Variants in TCF4 observed in about 807,000 individuals in gnomAD.
TCF4 encodes transcription factor 4.
Under a neutral mutation model 82.1 loss-of-function variants are expected in TCF4, and 3 were observed. The observed-to-expected ratio is 0.04, with a 90% CI of 0.02 to 0.09. The LOEUF (loss-of-function observed/expected upper bound fraction) is 0.09, where lower values mean the gene tolerates loss of function less well. Ranked by LOEUF, TCF4 falls within the 10% of genes least tolerant of loss-of-function variation. The pLI, the probability that TCF4 is intolerant of heterozygous loss-of-function variation, is 1.00. For synonymous variants in TCF4, 276 were observed against 309.6 expected (o/e 0.89, Z 1.14); for missense variants, 518 against 852.7 (o/e 0.61, Z 4.89).
chr18:55,383,258 A>G (rs17594358), intron 6 of TCF4, among the ~76,000 whole-genome samples: 5,292 of 152,372 alleles, frequency 0.035, 134 homozygotes, highest in Non-Finnish European at 0.059. Flanking sequence ...CCCAGGTTCA[A>G]TGATGAAGGC....
intron 15 of TCF4, among the ~76,000 whole-genome samples, chr18:55,236,243 AG>A (rs1364407339): frequency 2.0e-5 from 3 of 152,200 alleles, no homozygotes; most frequent in South Asian, 2.1e-4. Flanking sequence ...AGAGAGATGT[AG>A]GAAGTCCAGC....
At chr18:55,240,550 G>A (rs749455473) in intron 15 of TCF4, among the ~76,000 whole-genome samples, 2 of 152,156 alleles carry the variant, frequency 1.3e-5, no homozygotes, top group Non-Finnish European at 2.9e-5. Context: ...GGTGGGAAGC[G>A]GTCATGCAAA....
At chr18:55,364,787 T>A (rs1421641526) in intron 6 of TCF4, among the ~76,000 whole-genome samples, 1 of 152,150 alleles carries the variant, frequency 6.6e-6, no homozygotes, top group Non-Finnish European at 1.5e-5. Context: ...CTTGACTGAT[T>A]TTTAAAAATG....
intron 14 of TCF4, among the ~76,000 whole-genome samples, chr18:55,256,457 C>T (rs958233342): frequency 6.6e-6 from 1 of 152,130 alleles, no homozygotes; most frequent in Non-Finnish European, 1.5e-5. Context: ...CTGAATGATT[C>T]ATACACTATA....
At position 55,323,549 on chromosome 18, in the gene TCF4, C is replaced by A. The variant is rs1010618390; in HGVS notation, c.549+26810G>T. Among the ~76,000 whole-genome samples, 7 of 152,292 alleles carry A rather than the reference C, an allele frequency of 4.6e-5. No homozygotes were observed. The East Asian group carries it at 1.3e-3, about 29-fold the overall frequency. On this transcript the variant is annotated intron_variant, in intron 8 of 19. Coordinates refer to ENST00000354452, the MANE Select transcript of TCF4 (RefSeq NM_001083962.2). ...GCTCTGCATTTATTCGGAAGGTCCC[C>A]AGAGGTTTGTGTAAACAGTACTTGA...
intron 8 of TCF4, chr18:55,320,950 A>T (rs1555884427): frequency 6.6e-6 from 1 of 152,344 alleles, no homozygotes; most frequent in Non-Finnish European, 1.5e-5. Flanking sequence ...TACCAGACAC[A>T]TTTTTTTCTT....
intron 3 of TCF4, among the ~76,000 whole-genome samples, chr18:55,471,110 C>G (rs1403930158): frequency 6.6e-6 from 1 of 152,108 alleles, no homozygotes; most frequent in African/African-American, 2.4e-5. Flanking sequence ...CAGCAAAGAG[C>G]GTGTTAAGGA....
intron 3 of TCF4, among the ~76,000 whole-genome samples, chr18:55,534,872 A>G (rs2097101483): frequency 6.6e-6 from 1 of 152,242 alleles, no homozygotes; most frequent in East Asian, 1.9e-4. Flanking sequence ...CATGACTGTG[A>G]GCATGCCAAT....
chr18:55,378,502 C>T (rs1038483603), intron 6 of TCF4, among the ~76,000 whole-genome samples: 1 of 152,098 alleles, frequency 6.6e-6, no homozygotes, highest in African/African-American at 2.4e-5. Context: ...GAAGAAGGTG[C>T]TGATATTAAT....
intron 15 of TCF4, among the ~76,000 whole-genome samples, chr18:55,238,011 G>A (rs138516211): frequency 0.02 from 3,113 of 152,254 alleles, 59 homozygotes; most frequent in Non-Finnish European, 0.032. Flanking sequence ...GCATTAAGGC[G>A]GCCCATTCAT....
At chr18:55,489,043 A>G (rs887673197) in intron 3 of TCF4, among the ~76,000 whole-genome samples, 2 of 152,166 alleles carry the variant, frequency 1.3e-5, no homozygotes, top group Non-Finnish European at 2.9e-5. Context: ...TTGGGGACAC[A>G]TGACAGAGGC....
rs1230346305 is a variant in TCF4 at position 55,238,328 on chromosome 18, T to C, written c.1351-3645A>G. 2.6e-5 allele frequency among the ~76,000 whole-genome samples: 4 copies of C among 152,224 alleles called. No individual in the cohort carries two copies. In the East Asian group the frequency reaches 5.8e-4, roughly 22 times the overall value. Reference sequence around the variant, plus strand: ...GTTTTAGTGATATCTATGCTAAAAATAGAAGATAGAAGTGAAATTTAAAAA... The same window carrying C: ...GTTTTAGTGATATCTATGCTAAAAACAGAAGATAGAAGTGAAATTTAAAAA... On this transcript the variant is annotated intron_variant, in intron 15 of 19. Transcript: ENST00000354452.
At chr18:55,477,494 T>C (rs1302615564) in intron 3 of TCF4, among the ~76,000 whole-genome samples, 3 of 152,238 alleles carry the variant, frequency 2.0e-5, no homozygotes, top group Non-Finnish European at 4.4e-5. Context: ...GCAACGTACA[T>C]TTTTAAACCA....
At chr18:55,319,104 CACTTA>C (rs1347382879) in intron 8 of TCF4, among the ~76,000 whole-genome samples, 1 of 152,190 alleles carries the variant, frequency 6.6e-6, no homozygotes, top group Non-Finnish European at 1.5e-5. Flanking sequence ...TAGCTGACCA[CACTTA>C]ACTTCAACAA....
In TCF4 at chr18:55,404,867, G is replaced by A. The variant is rs141137462; in HGVS notation, c.305-1349C>T. Among the ~76,000 whole-genome samples the A allele has an allele frequency of 3.0e-3, 464 of 152,300 alleles. 1 individual carries two copies. The highest frequency in any genetic ancestry group is 0.011 in the African/African-American group (439 of 41,566). On this transcript the variant is annotated intron_variant, in intron 5 of 19. Coordinates refer to ENST00000354452, the MANE Select transcript of TCF4 (RefSeq NM_001083962.2). The stretch of plus-strand genomic sequence containing the variant: ...AAACCTAAGTCTTAAAATTAACCCC[G>A]TTTCCCAGTATTAACTTTTCTACTG...
chr18:55,632,183 C>T (rs1262769735), intron 1 of TCF4, among the ~76,000 whole-genome samples: 1 of 152,090 alleles, frequency 6.6e-6, no homozygotes, highest in African/African-American at 2.4e-5. Flanking sequence ...GGACTACAGG[C>T]GCCTGCAACC....
chr18:55,372,775 C>G (rs2089660141), intron 6 of TCF4, among the ~76,000 whole-genome samples: 1 of 152,010 alleles, frequency 6.6e-6, no homozygotes, highest in Non-Finnish European at 1.5e-5. Flanking sequence ...ATATCAACCT[C>G]AACATGAGAG....
chr18:55,236,628 T>C (rs1313617007), intron 15 of TCF4, among the ~76,000 whole-genome samples: 5 of 152,184 alleles, frequency 3.3e-5, no homozygotes, highest in African/African-American at 7.2e-5. Context: ...CTATTTTCCA[T>C]TGAGGTTTTG....
chr18:55,494,236 A>C (rs910960048), intron 3 of TCF4, among the ~76,000 whole-genome samples: 1 of 151,706 alleles, frequency 6.6e-6, no homozygotes, highest in African/African-American at 2.4e-5. Flanking sequence ...AATTTTAGTC[A>C]ATACAAGCTC....
Sources: gnomAD v4.1 joint callset for allele counts (sites outside exome capture counted in the v4.1 genomes callset) on GRCh38, gnomAD v4.1.1 for gene constraint, MANE v1.5 for transcripts, NCBI Gene and HGNC (gene_info 2026-07-23, HGNC 2026-07-21) for gene names.